Variants in TMEM39A observed in about 807,000 individuals in gnomAD.
The protein encoded by TMEM39A is suppressor of SQST-1 aggregates in rpl-43 mutants.
Under a neutral mutation model 51.9 loss-of-function variants are expected in TMEM39A, and 19 were observed. The ratio of observed to expected loss-of-function variants is 0.37; its 90% CI spans 0.26 to 0.54. The LOEUF is 0.54. Ranked by LOEUF, TMEM39A falls within the 20% of genes least tolerant of loss-of-function variation. The pLI, the probability that TMEM39A is intolerant of heterozygous loss-of-function variation, is 0.88. For synonymous variants in TMEM39A, 197 were observed against 220.2 expected (o/e 0.89, Z 0.93); for missense variants, 433 against 590.5 (o/e 0.73, Z 2.76).
Position 119,457,998 on chromosome 3 carries a change from AAAGT to A in TMEM39A, c.336+16_336+19del. ...CTTGGGTAAGTAACATGAAGAACTT[AAAGT>A]CTGAGTAAGACTTACCAGTGATGTA... On this transcript the variant is annotated intron_variant, in intron 3 of 8. Transcript: ENST00000319172. 1 of 1,576,594 alleles carries A rather than the reference AAAGT, an allele frequency of 6.3e-7. No homozygotes were observed.
chr3:119,433,468 T>C (rs1326735229), intron 8 of TMEM39A, among the ~76,000 whole-genome samples: 1 of 152,178 alleles, frequency 6.6e-6, no homozygotes. Flanking sequence ...TTTAACTGTC[T>C]ATCCAGTCCT....
Position 119,439,787 on chromosome 3 carries a change from A to C in TMEM39A, c.576-1684T>G, listed in dbSNP as rs112682606. 3.1e-4 allele frequency among the ~76,000 whole-genome samples: 46 copies of C among 150,436 alleles called. 1 individual carries two copies. Among genetic ancestry groups the C allele is most frequent in the Admixed American group, 9.9e-4 (15 of 15,140 alleles). ...ATTAATTCTAATTTTTTTTTTTTTG[A>C]GACAAGGTCTTACTCTGTCACCCAG... On this transcript the variant is annotated intron_variant, in intron 5 of 8. Coordinates refer to ENST00000319172, the MANE Select transcript of TMEM39A (RefSeq NM_018266.3).
intron 2 of TMEM39A, among the ~76,000 whole-genome samples, chr3:119,460,383 C>CT (rs1254414029): frequency 1.3e-5 from 2 of 152,094 alleles, no homozygotes; most frequent in South Asian, 2.1e-4. Context: ...TCTGCAGACT[C>CT]TAAGTGCAAG....
chr3:119,448,368 A>T (rs2081155631), intron 4 of TMEM39A, among the ~76,000 whole-genome samples: 1 of 152,162 alleles, frequency 6.6e-6, no homozygotes, highest in African/African-American at 2.4e-5. Context: ...ATGGAACCCA[A>T]AAAGGAGAAA....
chr3:119,458,251 A>C lies in TMEM39A; in HGVS notation c.114-11T>G. 6.2e-7 allele frequency: 1 copy of C among 1,612,318 alleles called. No individual in the cohort carries two copies. The highest frequency in any genetic ancestry group is 8.5e-7 in the Non-Finnish European group (1 of 1,178,776). On this transcript the variant is annotated splice_polypyrimidine_tract_variant and intron_variant, in intron 2 of 8. Coordinates refer to ENST00000319172, the MANE Select transcript of TMEM39A (RefSeq NM_018266.3). ...ATAGCACTACCATTCCTGAAAGAGA[A>C]AACTATGGTTAACTCAAATGGTGAT...
At position 119,436,816 on chromosome 3, in the gene TMEM39A, A is replaced by T. The variant is rs562827689; in HGVS notation, c.1087T>A (p.Ser363Thr). 2.2e-5 allele frequency: 36 copies of T among 1,613,788 alleles called. 1 individual carries two copies. Among genetic ancestry groups the T allele is most frequent in the South Asian group, 1.1e-4 (10 of 91,050 alleles). Residue 363 changes from serine (S) to threonine (T), a missense_variant, in exon 7 of 9, where the codon TCC becomes ACC. This residue lies in a region of TMEM39A where 223 missense variants were observed against 328.1 expected (regional missense o/e 0.68). Transcript: ENST00000319172. ...ATGTGCTGTGGAGCATTGCTGTAGG[A>T]CCCATGTTCCAACTTCTGCCACTTG... ...LGKWQKLEHG[S>T]YSNAPQHIWS... is the part of the protein sequence containing the mutation.
chr3:119,434,724 C>T, intron 8 of TMEM39A, 38 bp downstream of exon 8: 1 of 1,610,726 alleles, frequency 6.2e-7, no homozygotes. Flanking sequence ...AACACTTACC[C>T]CTAAGCTTAT....
At chr3:119,441,090 T>A (rs1275844313) in intron 5 of TMEM39A, among the ~76,000 whole-genome samples, 1 of 152,194 alleles carries the variant, frequency 6.6e-6, no homozygotes, top group Non-Finnish European at 1.5e-5. Context: ...GTTCCATCAA[T>A]GAGCCATTCC....
intron 8 of TMEM39A, among the ~76,000 whole-genome samples, chr3:119,433,960 C>A (rs905676195): frequency 6.6e-6 from 1 of 152,174 alleles, no homozygotes; most frequent in African/African-American, 2.4e-5. Context: ...CTCACAGGAA[C>A]TGAGAAGGAC....
In TMEM39A at chr3:119,434,769, C is replaced by A. The variant is rs766081827; in HGVS notation, c.1226G>T (p.Arg409Leu). The A allele has an allele frequency of 6.2e-7, 1 of 1,613,430 alleles. No individual in the cohort carries two copies. The highest frequency in any genetic ancestry group is 2.2e-5 in the East Asian group (1 of 44,884). Reference protein sequence around the residue: ...VAVPSDVSHARFYFLFHRPLR... With the variant: ...VAVPSDVSHALFYFLFHRPLR... ...TAAATAAGCGGTACTTGCATAAAAGCGGGCATGAGATACATCTGAAGGCAC... is the reference window on the plus strand; with the variant it reads ...TAAATAAGCGGTACTTGCATAAAAGAGGGCATGAGATACATCTGAAGGCAC... Residue 409 changes from arginine (R) to leucine (L), a missense_variant, in exon 8 of 9, where the codon CGC becomes CTC. By Grantham distance (102) the Arg-to-Leu change is moderately radical. Transcript: ENST00000319172.
chr3:119,448,677 A>G (rs2081159500), intron 4 of TMEM39A, among the ~76,000 whole-genome samples: 1 of 152,236 alleles, frequency 6.6e-6, no homozygotes, highest in South Asian at 2.1e-4. Flanking sequence ...CCCCTGATAC[A>G]TACCTTCATG....
chr3:119,436,287 G>C (rs2080966943), intron 7 of TMEM39A, among the ~76,000 whole-genome samples: 1 of 152,138 alleles, frequency 6.6e-6, no homozygotes, highest in African/African-American at 2.4e-5. Context: ...ATATTCAGTA[G>C]AGAGTTTAGA....
chr3:119,442,498 G>C lies in TMEM39A; in HGVS notation c.576-4395C>G, dbSNP rs1264263314. Among the ~76,000 whole-genome samples the C allele has an allele frequency of 2.6e-5, 4 of 152,264 alleles. No homozygotes were observed. The South Asian group carries it at 8.3e-4, about 32-fold the overall frequency. On this transcript the variant is annotated intron_variant, in intron 5 of 8. Transcript: ENST00000319172. ...CTGATTTTCAAATCTTATTATTTAA[G>C]AAATACGTTTTGTAAGGCTATTTCT...
intron 3 of TMEM39A, among the ~76,000 whole-genome samples, chr3:119,454,698 G>A (rs1016751857): frequency 1.3e-5 from 2 of 152,206 alleles, no homozygotes; most frequent in South Asian, 2.1e-4. Flanking sequence ...GCTGAGGCAG[G>A]AGAATCGCTG....
chr3:119,456,322 T>C (rs2107687351), intron 3 of TMEM39A, among the ~76,000 whole-genome samples: 1 of 152,262 alleles, frequency 6.6e-6, no homozygotes, highest in South Asian at 2.1e-4. Flanking sequence ...TTTGGCACTA[T>C]ATCATTGCAA....
At position 119,462,062 on chromosome 3, in the gene TMEM39A, T is replaced by G; in HGVS notation, c.13A>C (p.Arg5=). The change falls in exon 2 of 9, where the codon AGG becomes CGG. Residue 5 remains arginine, a synonymous_variant. Transcript: ENST00000319172. ...AGCTGTTGCCGACTAGGGCCCCTCC[T>G]TCCACCGGGCATGTCCAGGAACCAG... MPGG[R]RGPSRQQLSR... 1.9e-6 allele frequency: 3 copies of G among 1,614,050 alleles called. No homozygotes were observed. The highest frequency in any genetic ancestry group is 2.2e-5 in the South Asian group (2 of 91,060).
At position 119,435,426 on chromosome 3, in the gene TMEM39A, A is replaced by G. The variant is rs1337745443; in HGVS notation, c.1113-544T>C. The G allele has an allele frequency of 5.1e-6, 5 of 978,286 alleles. No individual in the cohort carries two copies. In the African/African-American group the frequency reaches 7.0e-5, roughly 14 times the overall value. 60.6% of individuals were successfully genotyped at this position (978,286 alleles called of 1,614,324 possible). A position where few individuals can be genotyped will look rare whatever the true frequency, so the allele number is the denominator to read the frequency against. ...GATATACAGTAGAACACAGCGATACATCTCACACACACACACAGACTTTTC... is the reference window on the plus strand; with the variant it reads ...GATATACAGTAGAACACAGCGATACGTCTCACACACACACACAGACTTTTC... On this transcript the variant is annotated intron_variant, in intron 7 of 8. Transcript: ENST00000319172.
rs1299130305 is a variant in TMEM39A, at chr3:119,455,914, T to C, written c.336+2104A>G. 2.0e-5 allele frequency among the ~76,000 whole-genome samples: 3 copies of C among 152,180 alleles called. No homozygotes were observed. In the East Asian group the frequency reaches 5.8e-4, roughly 29 times the overall value. ...CAGGAAGTAAAGCACAGTAGATTGG[T>C]CTGGACTTGGGCACTCACTATGCCG... On this transcript the variant is annotated intron_variant, in intron 3 of 8. Transcript: ENST00000319172.
chr3:119,461,494 T>G (rs576591336), intron 2 of TMEM39A, among the ~76,000 whole-genome samples: 1 of 152,354 alleles, frequency 6.6e-6, no homozygotes, highest in Non-Finnish European at 1.5e-5. Flanking sequence ...AGTATCTCTT[T>G]GAACTGCTAC....
Sources: gnomAD v4.1 joint callset for allele counts (sites outside exome capture counted in the v4.1 genomes callset) on GRCh38, gnomAD v4.1.1 for gene constraint, gnomAD v4.1.1 regional missense constraint, MANE v1.5 for transcripts, NCBI Gene and HGNC (gene_info 2026-07-23, HGNC 2026-07-21) for gene names.